SORCS3: variants seen among roughly 807,000 people sequenced by gnomAD.
SORCS3 encodes the protein sortilin related VPS10 domain containing receptor 3.
A neutral mutation model predicts 146.3 loss-of-function variants in SORCS3; 57 were observed. The observed-to-expected ratio is 0.39, with a 90% CI of 0.31 to 0.49. The LOEUF (loss-of-function observed/expected upper bound fraction) is 0.49, where lower values mean the gene tolerates loss of function less well. Ranked by LOEUF, SORCS3 falls within the 20% of genes least tolerant of loss-of-function variation. SORCS3 has a pLI of 0.92. For synonymous variants in SORCS3, 653 were observed against 618.5 expected (o/e 1.06, Z -0.83); for missense variants, 1,341 against 1,575.5 (o/e 0.85, Z 2.52).
chr10:105,074,051 A>G (rs2055573919), intron 5 of SORCS3, among the ~76,000 whole-genome samples: 1 of 152,182 alleles, frequency 6.6e-6, no homozygotes, highest in Admixed American at 6.5e-5. Flanking sequence ...CATTTTCCAC[A>G]TTTTCAACTT....
At position 105,089,821 on chromosome 10, in the gene SORCS3, G is replaced by A. The variant is rs745342619; in HGVS notation, c.1075G>A (p.Val359Met). The change falls in exon 6 of 27, where the codon GTG becomes ATG. Residue 359 changes from valine (V) to methionine (M), a missense_variant. Transcript: ENST00000369701. ...DKEADLVHMEVRTTDGYAHYL... is the reference protein window; with the variant it reads ...DKEADLVHMEMRTTDGYAHYL... ...GGAGGCGGACCTGGTGCACATGGAG[G>A]TGCGGACCACGGATGGATGTGAGTT... The A allele has an allele frequency of 2.2e-5, 36 of 1,614,082 alleles. No individual in the cohort carries two copies. Among genetic ancestry groups the A allele is most frequent in the Non-Finnish European group, 3.0e-5 (35 of 1,179,958 alleles).
chr10:105,151,143 T>C (rs1670032), intron 9 of SORCS3, among the ~76,000 whole-genome samples: 73,111 of 151,954 alleles, frequency 0.48, 18,117 homozygotes, highest in Non-Finnish European at 0.53. Context: ...GTTGTGGAGT[T>C]ACAAAAGAAT....
intron 7 of SORCS3, among the ~76,000 whole-genome samples, chr10:105,136,941 A>G (rs1182305604): frequency 1.3e-5 from 2 of 152,096 alleles, no homozygotes; most frequent in African/African-American, 4.8e-5. Context: ...GTTGTGTGTG[A>G]GCTTTTAAGA....
At chr10:105,147,075 G>A (rs1204277162) in intron 8 of SORCS3, among the ~76,000 whole-genome samples, 4 of 152,034 alleles carry the variant, frequency 2.6e-5, no homozygotes, top group African/African-American at 7.2e-5. Context: ...GAATTCCACT[G>A]TATACAACAG....
intron 1 of SORCS3, among the ~76,000 whole-genome samples, chr10:104,836,000 T>C (rs1163046126): frequency 2.6e-5 from 4 of 151,736 alleles, no homozygotes; most frequent in Non-Finnish European, 5.9e-5. Context: ...CATGCAGGAG[T>C]GTGCGTCAAG....
intron 22 of SORCS3, among the ~76,000 whole-genome samples, chr10:105,251,263 C>T (rs775642662): frequency 3.3e-5 from 5 of 152,074 alleles, no homozygotes; most frequent in Non-Finnish European, 5.9e-5. Context: ...GGGAAAGGCC[C>T]CTTATAAAAC....
chr10:105,246,472 T>G (rs2056867349), intron 21 of SORCS3, among the ~76,000 whole-genome samples: 1 of 152,168 alleles, frequency 6.6e-6, no homozygotes. Context: ...CATGCAGGTT[T>G]GTTACATATG....
intron 7 of SORCS3, among the ~76,000 whole-genome samples, chr10:105,117,213 C>G (rs887491122): frequency 2.0e-5 from 3 of 152,116 alleles, no homozygotes; most frequent in African/African-American, 7.2e-5. Context: ...CTCTCCCTCC[C>G]TGTTTCCTGC....
At chr10:104,969,349 G>A (rs540673584) in intron 3 of SORCS3, among the ~76,000 whole-genome samples, 176 of 151,472 alleles carry the variant, frequency 1.2e-3, no homozygotes, top group African/African-American at 1.8e-3. Flanking sequence ...GTGCGCGCGC[G>A]CGTACAGAGC....
intron 6 of SORCS3, among the ~76,000 whole-genome samples, chr10:105,099,468 C>T (rs2055768592): frequency 6.6e-6 from 1 of 152,150 alleles, no homozygotes; most frequent in Non-Finnish European, 1.5e-5. Flanking sequence ...AAAACATAAT[C>T]ACGGGACACC....
At chr10:104,935,208 A>G (rs942681622) in intron 3 of SORCS3, among the ~76,000 whole-genome samples, 3 of 152,174 alleles carry the variant, frequency 2.0e-5, no homozygotes, top group African/African-American at 7.2e-5. Context: ...TTAAAAACTT[A>G]CCTCACTAGG....
intron 7 of SORCS3, 35 bp from the exon 8 acceptor site, chr10:105,139,362 T>A (rs1371037901): frequency 6.7e-7 from 1 of 1,502,668 alleles, no homozygotes; most frequent in African/African-American, 1.4e-5. Flanking sequence ...ATCTGTGGCC[T>A]CATCTGATCT....
chr10:104,921,491 C>CTT (rs1196749481), intron 3 of SORCS3, among the ~76,000 whole-genome samples: 4 of 128,046 alleles, frequency 3.1e-5, no homozygotes, highest in Non-Finnish European at 6.2e-5. Context: ...ACATGTCTCT[C>CTT]TCTCTCTCTC....
chr10:104,991,536 C>G (rs990193719), intron 4 of SORCS3, among the ~76,000 whole-genome samples: 1 of 143,722 alleles, frequency 7.0e-6, no homozygotes, highest in Non-Finnish European at 1.5e-5. Context: ...GAGTCTTGCT[C>G]TGTTGCCCAG....
At chr10:104,924,603 T>A (rs1564714479) in intron 3 of SORCS3, among the ~76,000 whole-genome samples, 1 of 152,164 alleles carries the variant, frequency 6.6e-6, no homozygotes, top group Non-Finnish European at 1.5e-5. Flanking sequence ...CCAAATGGCT[T>A]GATAAAGGAG....
chr10:105,228,731 C>T (rs2930463), intron 20 of SORCS3, among the ~76,000 whole-genome samples: 66,863 of 151,846 alleles, frequency 0.44, 15,022 homozygotes, highest in South Asian at 0.55. Flanking sequence ...TGAATGGGGG[C>T]TCATTTATAA....
intron 20 of SORCS3, among the ~76,000 whole-genome samples, chr10:105,236,174 A>C (rs2056792108): frequency 6.6e-6 from 1 of 152,096 alleles, no homozygotes; most frequent in Middle Eastern, 3.2e-3. Context: ...CATTTAATAA[A>C]AGCCCTATTT....
intron 1 of SORCS3, among the ~76,000 whole-genome samples, chr10:104,789,135 T>C (rs372735090): frequency 4.3e-4 from 66 of 152,278 alleles, no homozygotes; most frequent in African/African-American, 1.4e-3. Context: ...TGATGACTAG[T>C]GTGGTGTGTC....
chr10:104,899,720 G>A (rs1227035962), intron 2 of SORCS3, among the ~76,000 whole-genome samples: 1 of 152,284 alleles, frequency 6.6e-6, no homozygotes, highest in African/African-American at 2.4e-5. Context: ...GCTCAAAATT[G>A]TTTTCTTTTA....
Sources: gnomAD v4.1 joint callset for allele counts (sites outside exome capture counted in the v4.1 genomes callset) on GRCh38, gnomAD v4.1.1 for gene constraint, MANE v1.5 for transcripts, NCBI Gene and HGNC (gene_info 2026-07-23, HGNC 2026-07-21) for gene names.